SHANK2: variants seen among roughly 807,000 people sequenced by gnomAD.
The protein encoded by SHANK2 is SH3 and multiple ankyrin repeat domains protein 2.
Under a neutral mutation model 133.7 loss-of-function variants are expected in SHANK2, and 43 were observed. That is an observed-to-expected ratio of 0.32 (90% CI 0.25 to 0.41). The LOEUF is 0.41. Among genes scored for constraint, SHANK2 ranks in the 10% least tolerant of loss-of-function variants. SHANK2 has a pLI of 1.00. For synonymous variants in SHANK2, 1,017 were observed against 952.8 expected (o/e 1.07, Z -1.24); for missense variants, 1,994 against 2,235.8 (o/e 0.89, Z 2.18).
intron 2 of SHANK2, among the ~76,000 whole-genome samples, chr11:71,150,191 A>G (rs564668149): frequency 1.2e-3 from 2 of 1,702 alleles, no homozygotes; most frequent in Admixed American, 3.4e-3. Context: ...GAGGGAGGGA[A>G]GGAGAGGGAG....
At chr11:71,066,466 C>T in intron 9 of SHANK2, among the ~76,000 whole-genome samples, 1 of 152,132 alleles carries the variant, frequency 6.6e-6, no homozygotes, top group East Asian at 1.9e-4. Context: ...TCTTCATAAG[C>T]AAATGGGCAT....
rs115657520 is a variant in SHANK2, at chr11:70,810,390, G to A, written c.1494-3219C>T. Among the ~76,000 whole-genome samples the A allele has an allele frequency of 2.4e-3, 370 of 152,320 alleles. 1 individual carries two copies. The highest frequency in any genetic ancestry group is 8.3e-3 in the African/African-American group (346 of 41,580). On this transcript the variant is annotated intron_variant, in intron 12 of 25. Coordinates refer to ENST00000601538, the MANE Select transcript of SHANK2 (RefSeq NM_012309.5). The stretch of plus-strand genomic sequence containing the variant: ...GCTGGGAGGGGTGGGAGCCTGTACC[G>A]CAGGCACTGAGCGTCTCACGGCTGT...
rs2059027567 is a variant in SHANK2, at chr11:70,500,013, GTC to G, written c.2308+555_2308+556del. 6.6e-6 allele frequency among the ~76,000 whole-genome samples: 1 copy of G among 152,162 alleles called. No homozygotes were observed. The highest frequency in any genetic ancestry group is 1.5e-5 in the Non-Finnish European group (1 of 68,028). On this transcript the variant is annotated intron_variant, in intron 21 of 25. Transcript: ENST00000601538. The surrounding 1 kb of genome is among the most constrained non-coding windows in gnomAD (Gnocchi z 4.5). ...TGCTGCTGTGAAAGGGGGAACCTGAGTCTATCTGGGGCCTGCGGTCCGGCTGC... is the reference window on the plus strand; with the variant it reads ...TGCTGCTGTGAAAGGGGGAACCTGAGTATCTGGGGCCTGCGGTCCGGCTGC...
rs1352537043 is a variant in SHANK2 at position 70,535,963 on chromosome 11, A to AG, written c.2062-33033dup. ...TGGCTCACCCGAGGCTGGTTGACTGAGGGGGCTGCGTGGGGGCTGGGCCTG... is the reference window on the plus strand; with the variant it reads ...TGGCTCACCCGAGGCTGGTTGACTGAGGGGGGCTGCGTGGGGGCTGGGCCTG... On this transcript the variant is annotated intron_variant, in intron 17 of 25. Coordinates refer to ENST00000601538, the MANE Select transcript of SHANK2 (RefSeq NM_012309.5). The surrounding 1 kb of genome is among the most constrained non-coding windows in gnomAD (Gnocchi z 4.3). Among the ~76,000 whole-genome samples the AG allele has an allele frequency of 6.6e-5, 10 of 152,214 alleles. No individual in the cohort carries two copies. The highest frequency in any genetic ancestry group is 2.2e-4 in the African/African-American group (9 of 41,456).
chr11:70,818,316 CAT>C (rs1948444300), intron 12 of SHANK2, among the ~76,000 whole-genome samples: 1 of 152,094 alleles, frequency 6.6e-6, no homozygotes, highest in East Asian at 1.9e-4. Flanking sequence ...TACACAAACA[CAT>C]ACACACATGC....
chr11:70,692,618 G>T (rs1555021313), intron 15 of SHANK2, among the ~76,000 whole-genome samples: 1 of 152,236 alleles, frequency 6.6e-6, no homozygotes, highest in African/African-American at 2.4e-5. Context: ...CAGCAACAGA[G>T]ATTCTCTCTA....
chr11:70,742,601 G>C (rs893934152), intron 14 of SHANK2, among the ~76,000 whole-genome samples: 5 of 152,164 alleles, frequency 3.3e-5, no homozygotes, highest in Non-Finnish European at 7.3e-5. Context: ...ACCCGGCTCT[G>C]CCATCCCATA....
chr11:70,664,889 G>A (rs546820111), intron 15 of SHANK2, among the ~76,000 whole-genome samples: 71 of 152,286 alleles, frequency 4.7e-4, no homozygotes, highest in Admixed American at 7.8e-4. Flanking sequence ...AGGCCCCAGA[G>A]CCTGCTCTGC....
intron 14 of SHANK2, among the ~76,000 whole-genome samples, chr11:70,787,269 TCAC>T (rs1282847388): frequency 9.4e-6 from 1 of 106,486 alleles, no homozygotes. Flanking sequence ...ACCAGCAGCA[TCAC>T]CACCATCATC....
intron 14 of SHANK2, among the ~76,000 whole-genome samples, chr11:70,754,654 C>T (rs782418351): frequency 1.3e-5 from 2 of 152,082 alleles, no homozygotes; most frequent in East Asian, 1.9e-4. Context: ...GCAAAGGCAG[C>T]GGTAGGAGGA....
At chr11:71,060,676 C>T (rs1173312992) in intron 9 of SHANK2, among the ~76,000 whole-genome samples, 2 of 152,216 alleles carry the variant, frequency 1.3e-5, no homozygotes, top group Non-Finnish European at 2.9e-5. Flanking sequence ...GCCCACAGGG[C>T]AGTGGTGAAA....
intron 12 of SHANK2, among the ~76,000 whole-genome samples, chr11:70,816,181 A>G (rs1470633423): frequency 2.0e-5 from 3 of 152,254 alleles, no homozygotes; most frequent in Non-Finnish European, 4.4e-5. Context: ...AGTGCAGGCC[A>G]GGTGCTGAAA....
At chr11:70,732,877 C>T (rs1480414072) in intron 14 of SHANK2, among the ~76,000 whole-genome samples, 2 of 152,242 alleles carry the variant, frequency 1.3e-5, no homozygotes, top group Non-Finnish European at 2.9e-5. Flanking sequence ...TCTGTGAGGG[C>T]AGGGACTCTC....
chr11:70,800,149 A>G (rs1555050173), intron 13 of SHANK2, among the ~76,000 whole-genome samples: 2 of 152,008 alleles, frequency 1.3e-5, no homozygotes. Context: ...CAGCCTCCTG[A>G]GTAGCTGGGA....
chr11:70,885,792 G>A (rs11605184), intron 11 of SHANK2, among the ~76,000 whole-genome samples: 11,409 of 152,150 alleles, frequency 0.075, 579 homozygotes, highest in Middle Eastern at 0.22. Context: ...CCTGGGCGTC[G>A]GTGCTGGAAA....
At chr11:70,763,494 T>C (rs1326821663) in intron 14 of SHANK2, among the ~76,000 whole-genome samples, 3 of 152,090 alleles carry the variant, frequency 2.0e-5, no homozygotes, top group African/African-American at 4.8e-5. Context: ...ATGACTCCCA[T>C]GCCCTTCTGT....
chr11:71,117,597 G>T (rs1952002912), intron 4 of SHANK2, among the ~76,000 whole-genome samples: 1 of 99,368 alleles, frequency 1.0e-5, no homozygotes, highest in Non-Finnish European at 2.4e-5. Flanking sequence ...ACCATGGTCA[G>T]TGATTTCATC....
At chr11:71,061,719 C>T (rs919829245) in intron 9 of SHANK2, among the ~76,000 whole-genome samples, 1 of 151,908 alleles carries the variant, frequency 6.6e-6, no homozygotes. Context: ...TCACCGGGAA[C>T]CTGGGAATGG....
At position 70,732,170 on chromosome 11, in the gene SHANK2, C is replaced by T. The variant is rs561490838; in HGVS notation, c.1778-33407G>A. On this transcript the variant is annotated intron_variant, in intron 14 of 25. Transcript: ENST00000601538. Reference sequence around the variant, plus strand: ...CACTACAGGCTGCTCAAATGTAACTCGCCCAACATCACACGTAACATCACC... The same window carrying T: ...CACTACAGGCTGCTCAAATGTAACTTGCCCAACATCACACGTAACATCACC... 4.6e-5 allele frequency among the ~76,000 whole-genome samples: 7 copies of T among 152,240 alleles called. No individual in the cohort carries two copies. In the East Asian group the frequency reaches 5.8e-4, roughly 13 times the overall value.
Sources: allele counts gnomAD v4.1 joint callset (sites outside exome capture counted in the v4.1 genomes callset), GRCh38; gene constraint gnomAD v4.1.1; non-coding constraint Gnocchi (gnomAD v3.1); transcripts MANE v1.5; gene names NCBI Gene and HGNC (gene_info 2026-07-23, HGNC 2026-07-21).